LARGE1: variants seen among roughly 807,000 people sequenced by gnomAD.
The protein encoded by LARGE1 is xylosyl- and glucuronyltransferase LARGE1.
In LARGE1, 43 loss-of-function variants were observed where a neutral mutation model predicts 87.6. The observed-to-expected ratio is 0.49, with a 90% CI of 0.38 to 0.63. The LOEUF (loss-of-function observed/expected upper bound fraction) is 0.63, where lower values mean the gene tolerates loss of function less well. LARGE1 is among the 30% of genes least tolerant of loss of function. LARGE1 has a pLI of 0.00. For missense variants in LARGE1, 802 were observed against 1,000.2 expected (o/e 0.80, Z 2.67); for synonymous variants, 434 against 394.6 (o/e 1.10, Z -1.18).
intron 1 of LARGE1, among the ~76,000 whole-genome samples, chr22:33,812,806 C>G (rs1288879917): frequency 6.6e-6 from 1 of 152,212 alleles, no homozygotes; most frequent in Non-Finnish European, 1.5e-5. Flanking sequence ...AGGTACTATG[C>G]CCTGACAACA....
chr22:33,124,125 A>T, the LARGE1 span, among the ~76,000 whole-genome samples: 1 of 152,120 alleles, frequency 6.6e-6, no homozygotes, highest in East Asian at 1.9e-4. Context: ...CATATCTGCT[A>T]AAAATACAAA....
chr22:33,524,705 C>T (rs2148528347), intron 6 of LARGE1, among the ~76,000 whole-genome samples: 1 of 151,262 alleles, frequency 6.6e-6, no homozygotes, highest in South Asian at 2.1e-4. Flanking sequence ...AAAACCACGT[C>T]ACTCTTCCTG....
chr22:33,352,809 C>T (rs141004519), intron 9 of LARGE1, among the ~76,000 whole-genome samples: 3 of 152,036 alleles, frequency 2.0e-5, no homozygotes, highest in Admixed American at 6.6e-5. Flanking sequence ...AAATTGAAAC[C>T]GAATGACAGA....
chr22:33,222,326 G>A (rs1440094677), intron 11 of LARGE1, among the ~76,000 whole-genome samples: 1 of 152,160 alleles, frequency 6.6e-6, no homozygotes, highest in Non-Finnish European at 1.5e-5. Flanking sequence ...ACCAGCATGA[G>A]CCTGGGGTCT....
intron 2 of LARGE1, among the ~76,000 whole-genome samples, chr22:33,678,271 C>T (rs147748212): frequency 3.6e-4 from 55 of 152,266 alleles, no homozygotes; most frequent in African/African-American, 1.0e-3. Context: ...CGGAAAGCTG[C>T]TTTTTATCCC....
intron 6 of LARGE1, among the ~76,000 whole-genome samples, chr22:33,535,310 G>T (rs772967937): frequency 2.2e-4 from 34 of 152,168 alleles, no homozygotes; most frequent in Non-Finnish European, 4.9e-4. Flanking sequence ...TTGGGAGGCC[G>T]AGGTGGGTGG....
At chr22:33,383,035 G>A (rs1490769105) in intron 8 of LARGE1, among the ~76,000 whole-genome samples, 3 of 152,132 alleles carry the variant, frequency 2.0e-5, no homozygotes, top group East Asian at 3.9e-4. Flanking sequence ...GGCATTCGAC[G>A]AACCAGGAAA....
At chr22:33,338,472 C>T (rs1938753127) in intron 9 of LARGE1, among the ~76,000 whole-genome samples, 1 of 152,186 alleles carries the variant, frequency 6.6e-6, no homozygotes, top group Non-Finnish European at 1.5e-5. Context: ...CTACCTCCTC[C>T]TCCTATTTCT....
At chr22:33,672,195 G>A (rs1393204859) in intron 2 of LARGE1, among the ~76,000 whole-genome samples, 1 of 152,188 alleles carries the variant, frequency 6.6e-6, no homozygotes, top group Non-Finnish European at 1.5e-5. Flanking sequence ...AGAGGAGACA[G>A]GTACCCACGT....
At chr22:33,744,596 C>G (rs904337819) in intron 2 of LARGE1, among the ~76,000 whole-genome samples, 1 of 152,242 alleles carries the variant, frequency 6.6e-6, no homozygotes, top group Non-Finnish European at 1.5e-5. Flanking sequence ...TCTGGCCCTA[C>G]AGGGCCCTAT....
intron 11 of LARGE1, among the ~76,000 whole-genome samples, chr22:33,177,728 G>A (rs948241377): frequency 3.9e-5 from 6 of 152,184 alleles, no homozygotes; most frequent in Non-Finnish European, 7.3e-5. Context: ...ACCACTTCGT[G>A]TGAAAAGGAT....
At chr22:33,577,419 C>T (rs542703578) in intron 5 of LARGE1, among the ~76,000 whole-genome samples, 5 of 152,340 alleles carry the variant, frequency 3.3e-5, no homozygotes, top group African/African-American at 9.6e-5. Flanking sequence ...TCTGCTGAAT[C>T]CAACAGTTCT....
At chr22:33,621,803 A>C (rs549501359) in intron 4 of LARGE1, among the ~76,000 whole-genome samples, 17 of 152,152 alleles carry the variant, frequency 1.1e-4, no homozygotes, top group Non-Finnish European at 2.5e-4. Flanking sequence ...TTCTGTGGTA[A>C]TTTGGTCCAA....
At chr22:33,878,078 AAT>A (rs2146729853) in intron 1 of LARGE1, among the ~76,000 whole-genome samples, 1 of 149,980 alleles carries the variant, frequency 6.7e-6, no homozygotes, top group South Asian at 2.1e-4. Flanking sequence ...CCTTTTTAAA[AAT>A]ATGACCACTA....
At chr22:33,083,518 C>T in the LARGE1 span, among the ~76,000 whole-genome samples, 1 of 152,158 alleles carries the variant, frequency 6.6e-6, no homozygotes, top group Non-Finnish European at 1.5e-5. Context: ...ATATGAAAGT[C>T]TCTAAGGATA....
chr22:33,111,759 G>GC, the LARGE1 span, among the ~76,000 whole-genome samples: 2 of 152,022 alleles, frequency 1.3e-5, no homozygotes. Context: ...TCTGTAGGGG[G>GC]TTGTGATGAA....
intron 1 of LARGE1, among the ~76,000 whole-genome samples, chr22:33,890,042 C>A (rs953210689): frequency 6.6e-6 from 1 of 152,256 alleles, no homozygotes; most frequent in African/African-American, 2.4e-5. Flanking sequence ...GCCAAGCCCT[C>A]CCAGCCCAGC....
intron 11 of LARGE1, among the ~76,000 whole-genome samples, chr22:33,176,850 A>G (rs1922900444): frequency 6.6e-6 from 1 of 152,200 alleles, no homozygotes. Context: ...ATAAAGACAC[A>G]TGTACATGTA....
At position 33,623,857 on chromosome 22, in the gene LARGE1, C is replaced by G. The variant is rs1306859084; in HGVS notation, c.491+2387G>C. ...ACCAGCTGGCCAACATGGAGGAACCCAGTCTCTACTAAAAATACAAAAATT... is the reference window on the plus strand; with the variant it reads ...ACCAGCTGGCCAACATGGAGGAACCGAGTCTCTACTAAAAATACAAAAATT... On this transcript the variant is annotated intron_variant, in intron 4 of 14. Coordinates refer to ENST00000397394, the MANE Select transcript of LARGE1 (RefSeq NM_133642.5). Among the ~76,000 whole-genome samples the G allele has an allele frequency of 2.0e-5, 3 of 151,956 alleles. 1 individual carries two copies. Among genetic ancestry groups the G allele is most frequent in the Admixed American group, 2.0e-4 (3 of 15,258 alleles).
Sources: gnomAD v4.1 joint callset for allele counts (sites outside exome capture counted in the v4.1 genomes callset) on GRCh38, gnomAD v4.1.1 for gene constraint, MANE v1.5 for transcripts, NCBI Gene and HGNC (gene_info 2026-07-23, HGNC 2026-07-21) for gene names.